Variants in PPP2R1A observed in about 807,000 individuals in gnomAD.
PPP2R1A encodes serine/threonine-protein phosphatase 2A 65 kDa regulatory subunit A alpha isoform.
A neutral mutation model predicts 67.1 loss-of-function variants in PPP2R1A; 15 were observed. That is an observed-to-expected ratio of 0.22 (90% CI 0.15 to 0.34). The LOEUF is 0.34. Among genes scored for constraint, PPP2R1A ranks in the 10% least tolerant of loss-of-function variants. The probability of loss-of-function intolerance (pLI) is 1.00; values close to 1 mark genes in which losing one functional copy is unlikely to be tolerated. For missense variants in PPP2R1A, 369 were observed against 775.0 expected (o/e 0.48, Z 6.22); for synonymous variants, 337 against 325.0 (o/e 1.04, Z -0.40).
rs113950562 is a variant in PPP2R1A at position 52,192,512 on chromosome 19, C to A, written c.78+2338C>A. On this transcript the variant is annotated intron_variant, in intron 1 of 14. Transcript: ENST00000322088. Reference sequence around the variant, plus strand: ...TGTTTTTAGAAGAGACTGGGTTTCCCGGTGTTGGCCAGGCTGGTCTCAGAC... The same window carrying A: ...TGTTTTTAGAAGAGACTGGGTTTCCAGGTGTTGGCCAGGCTGGTCTCAGAC... Among the ~76,000 whole-genome samples, 237 of 152,126 alleles carry A rather than the reference C, an allele frequency of 1.6e-3. 1 individual carries two copies. The highest frequency in any genetic ancestry group is 5.5e-3 in the African/African-American group (230 of 41,486).
Position 52,215,805 on chromosome 19 carries a change from C to T in PPP2R1A, c.834C>T (p.Ile278=), listed in dbSNP as rs2122348376. Residue 278 remains isoleucine (I), a synonymous_variant, in exon 7 of 15, where the codon ATC becomes ATT. Coordinates refer to ENST00000322088, the MANE Select transcript of PPP2R1A (RefSeq NM_014225.6). ...TCCAGAAAGCAGTGGGGCCTGAGAT[C>T]ACCAAGACAGACCTGGTCCCTGCCT... The part of the protein sequence containing the change: ...TELQKAVGPE[I]TKTDLVPAFQ... 6.2e-7 allele frequency: 1 copy of T among 1,614,042 alleles called. No homozygotes were observed. The highest frequency in any genetic ancestry group is 8.5e-7 in the Non-Finnish European group (1 of 1,179,924).
At position 52,212,916 on chromosome 19, in the gene PPP2R1A, G is replaced by A. The variant is rs372498768; in HGVS notation, c.652-39G>A. The A allele has an allele frequency of 5.7e-6, 9 of 1,568,010 alleles. No individual in the cohort carries two copies. The highest frequency in any genetic ancestry group is 7.8e-6 in the Non-Finnish European group (9 of 1,155,862). On this transcript the variant is annotated intron_variant, in intron 5 of 14. Transcript: ENST00000322088. This position sits in a 1 kb window ranked among gnomAD's most constrained non-coding sequence, Gnocchi z 4.1. ...AAAGAGAATCCCAGAGCTCAGCAAG[G>A]CCTCTGCTGCCCTCCCACTGTTCCT... is the stretch of plus-strand genomic sequence containing the variant.
rs186601220 is a variant in PPP2R1A, at chr19:52,213,201, C to G, written c.807+91C>G. 1 of 1,409,242 alleles carries G rather than the reference C, an allele frequency of 7.1e-7. No individual in the cohort carries two copies. Among genetic ancestry groups the G allele is most frequent in the Non-Finnish European group, 9.3e-7 (1 of 1,075,290 alleles). The allele number at this position is 1,409,242 out of a possible 1,614,324, so 87.3% of individuals were successfully genotyped here. ...ATAGGAGCTGAGGTTTCCATTAGGC[C>G]GATGGAACCATTGGGCGTTTGAGCA... On this transcript the variant is annotated intron_variant, in intron 6 of 14. Transcript: ENST00000322088. The surrounding 1 kb of genome is among the most constrained non-coding windows in gnomAD (Gnocchi z 4.2).
At chr19:52,197,837 G>T (rs1197881585) in intron 1 of PPP2R1A, among the ~76,000 whole-genome samples, 1 of 152,178 alleles carries the variant, frequency 6.6e-6, no homozygotes, top group Admixed American at 6.5e-5. Context: ...CAAGACGGGG[G>T]ATTCTGTATT....
At chr19:52,190,676 C>T (rs1039529366) in intron 1 of PPP2R1A, among the ~76,000 whole-genome samples, 1 of 152,182 alleles carries the variant, frequency 6.6e-6, no homozygotes, top group African/African-American at 2.4e-5. Flanking sequence ...TGCTCTTCCT[C>T]CGCCTCTCAT....
chr19:52,206,680 C>T (rs1294847527), intron 3 of PPP2R1A, among the ~76,000 whole-genome samples: 2 of 152,066 alleles, frequency 1.3e-5, no homozygotes, highest in Non-Finnish European at 2.9e-5. Flanking sequence ...TGCCAGGTCC[C>T]CACCCCACTG....
chr19:52,208,536 G>A (rs376539660), intron 3 of PPP2R1A, among the ~76,000 whole-genome samples: 5 of 151,648 alleles, frequency 3.3e-5, no homozygotes, highest in African/African-American at 9.7e-5. Context: ...GTCTCGCTCT[G>A]TCACCCAGGC....
rs73056125 is a variant in PPP2R1A, at chr19:52,213,912, C to A, written c.807+802C>A. The stretch of plus-strand genomic sequence containing the variant: ...GATCCAGATTGCCTCATCCCACAAA[C>A]ATGTTTGCTGAGCACCAGCTATTTG... On this transcript the variant is annotated intron_variant, in intron 6 of 14. Coordinates refer to ENST00000322088, the MANE Select transcript of PPP2R1A (RefSeq NM_014225.6). The surrounding 1 kb of genome is among the most constrained non-coding windows in gnomAD (Gnocchi z 4.2). Among the ~76,000 whole-genome samples the A allele has an allele frequency of 3.3e-5, 5 of 152,136 alleles. No individual in the cohort carries two copies. The highest frequency in any genetic ancestry group is 1.2e-4 in the African/African-American group (5 of 41,426).
At chr19:52,210,807 A>G (rs1210964837) in intron 3 of PPP2R1A, among the ~76,000 whole-genome samples, 1 of 152,114 alleles carries the variant, frequency 6.6e-6, no homozygotes, top group Non-Finnish European at 1.5e-5. Flanking sequence ...TCTCTTCTTT[A>G]AAATCAGGAC....
intron 1 of PPP2R1A, among the ~76,000 whole-genome samples, chr19:52,198,560 G>A (rs1286595337): frequency 1.3e-5 from 2 of 152,162 alleles, no homozygotes; most frequent in Non-Finnish European, 2.9e-5. Flanking sequence ...AGGTGCATAG[G>A]GTGAGCTATG....
At chr19:52,207,948 T>C (rs557650907) in intron 3 of PPP2R1A, among the ~76,000 whole-genome samples, 83 of 152,156 alleles carry the variant, frequency 5.5e-4, no homozygotes, top group Non-Finnish European at 1.1e-3. Flanking sequence ...CAGGGAAGGC[T>C]TCCTGGAGGA....
chr19:52,225,829 A>T, intron 14 of PPP2R1A, 21 bp downstream of exon 14: 1 of 1,612,800 alleles, frequency 6.2e-7, no homozygotes, highest in Non-Finnish European at 8.5e-7. Context: ...GAAAGCACGG[A>T]GCCCTAGCAG....
intron 6 of PPP2R1A, among the ~76,000 whole-genome samples, chr19:52,215,345 A>G (rs576474012): frequency 1.3e-5 from 2 of 152,360 alleles, no homozygotes; most frequent in South Asian, 2.1e-4. Context: ...GGCATGAGCC[A>G]TCGCACTTGG....
chr19:52,210,859 T>C (rs2089661258), intron 3 of PPP2R1A, among the ~76,000 whole-genome samples: 1 of 152,190 alleles, frequency 6.6e-6, no homozygotes, highest in Admixed American at 6.5e-5. Context: ...GCACCCCTGG[T>C]ACAACACGGA....
intron 1 of PPP2R1A, among the ~76,000 whole-genome samples, chr19:52,191,692 A>T (rs1267947475): frequency 6.6e-6 from 1 of 152,156 alleles, no homozygotes; most frequent in Non-Finnish European, 1.5e-5. Flanking sequence ...GGGGTTAATT[A>T]CCTAGTTCAT....
chr19:52,211,200 G>C lies in PPP2R1A; in HGVS notation c.271-60G>C. Reference sequence around the variant, plus strand: ...AGCCCATGATGGGGTGCAGGATGGGGCTCCAGGGCTGCGGATGGTGGAGAG... The same window carrying C: ...AGCCCATGATGGGGTGCAGGATGGGCCTCCAGGGCTGCGGATGGTGGAGAG... On this transcript the variant is annotated intron_variant, in intron 3 of 14. Transcript: ENST00000322088. The surrounding 1 kb of genome is among the most constrained non-coding windows in gnomAD (Gnocchi z 5.3). The C allele has an allele frequency of 6.6e-7, 1 of 1,516,892 alleles. No individual in the cohort carries two copies. Among genetic ancestry groups the C allele is most frequent in the Admixed American group, 1.9e-5 (1 of 53,812 alleles). The allele number at this position is 1,516,892 out of a possible 1,614,324, so 94.0% of individuals were successfully genotyped here.
At chr19:52,202,968 G>A (rs993791514) in intron 2 of PPP2R1A, among the ~76,000 whole-genome samples, 2 of 152,222 alleles carry the variant, frequency 1.3e-5, no homozygotes, top group African/African-American at 4.8e-5. Flanking sequence ...GTCTGACACA[G>A]ACTGGACCAC....
In PPP2R1A at chr19:52,228,114, G is replaced by C. The variant is rs1979369132; in HGVS notation, c.*2133G>C. On this transcript the variant is annotated 3_prime_UTR_variant, in exon 15 of 15. Coordinates refer to ENST00000322088, the MANE Select transcript of PPP2R1A (RefSeq NM_014225.6). ...GCTGAGGATGTGCTATGGCTCAGAG[G>C]TGGGGTCTACAATTGGACATGTGTA... is the stretch of plus-strand genomic sequence containing the variant. 1 of 152,278 alleles carries C rather than the reference G, an allele frequency of 6.6e-6. No individual in the cohort carries two copies. The highest frequency in any genetic ancestry group is 1.5e-5 in the Non-Finnish European group (1 of 68,076). The allele number at this position is 152,278 out of a possible 1,614,324, so 9.4% of individuals were successfully genotyped here. A position where few individuals can be genotyped will look rare whatever the true frequency, so the allele number is the denominator to read the frequency against.
rs1372096079 is a variant in PPP2R1A, at chr19:52,220,255, T to G, written c.1363+6T>G. 4 of 1,613,186 alleles carry G rather than the reference T, an allele frequency of 2.5e-6. No homozygotes were observed. Among genetic ancestry groups the G allele is most frequent in the Non-Finnish European group, 3.4e-6 (4 of 1,179,470 alleles). On this transcript the variant is annotated splice_donor_region_variant and intron_variant, in intron 11 of 14. Transcript: ENST00000322088. Reference sequence around the variant, plus strand: ...GGCCTGGCTTGTGGATCATGGTGAGTACCTTCACAGGAGCAGCAAGAGGAG... The same window carrying G: ...GGCCTGGCTTGTGGATCATGGTGAGGACCTTCACAGGAGCAGCAAGAGGAG...
Sources: gnomAD v4.1 joint callset for allele counts (sites outside exome capture counted in the v4.1 genomes callset) on GRCh38, gnomAD v4.1.1 for gene constraint, Gnocchi (gnomAD v3.1) non-coding constraint, MANE v1.5 for transcripts, NCBI Gene and HGNC (gene_info 2026-07-23, HGNC 2026-07-21) for gene names.